Variants in ANAPC4 observed in about 807,000 individuals in gnomAD.
ANAPC4 encodes anaphase promoting complex subunit 4, also known as anaphase-promoting complex subunit 4.
A neutral mutation model predicts 119.8 loss-of-function variants in ANAPC4; 63 were observed. That is an observed-to-expected ratio of 0.53 (90% CI 0.43 to 0.65). The LOEUF is 0.65. ANAPC4 is among the 30% of genes least tolerant of loss of function. The pLI, the probability that ANAPC4 is intolerant of heterozygous loss-of-function variation, is 0.00. For synonymous variants in ANAPC4, 283 were observed against 318.6 expected, an observed-to-expected ratio of 0.89 and a Z score of 1.19; for missense variants, 716 against 945.1, an observed-to-expected ratio of 0.76 and a Z score of 3.18.
At chr4:25,391,251 T>C (rs1722331163) in intron 9 of ANAPC4, among the ~76,000 whole-genome samples, 1 of 152,234 alleles carries the variant, frequency 6.6e-6, no homozygotes, top group African/African-American at 2.4e-5. Context: ...AATGACCATA[T>C]TAATTTGTTG....
At position 25,418,307 on chromosome 4, in the gene ANAPC4, A is replaced by G. The variant is rs755761486; in HGVS notation, c.2352A>G (p.Gln784=). The G allele has an allele frequency of 9.3e-6, 15 of 1,614,076 alleles. No homozygotes were observed. The highest frequency in any genetic ancestry group is 5.5e-5 in the South Asian group (5 of 91,078). Residue 784 remains glutamine, a synonymous_variant, in exon 29 of 29, where the codon CAA becomes CAG. Transcript: ENST00000315368. ...EVLSESEAEN[Q]QAGAAALAPE... ...TGTCGGAGTCAGAGGCAGAGAACCAACAAGCTGGTGCTGCCGCTTTAGCTC... is the reference window on the plus strand; with the variant it reads ...TGTCGGAGTCAGAGGCAGAGAACCAGCAAGCTGGTGCTGCCGCTTTAGCTC...
intron 14 of ANAPC4, 131 bp from the exon 15 acceptor site, chr4:25,396,533 A>G (rs1467928798): frequency 1.4e-6 from 1 of 707,198 alleles, no homozygotes; most frequent in African/African-American, 1.8e-5. Flanking sequence ...GTTTTGAGAA[A>G]TAATTATTTC....
intron 3 of ANAPC4, 48 bp from the exon 4 acceptor site, chr4:25,383,213 T>TTC (rs1237154774): frequency 6.7e-7 from 1 of 1,493,276 alleles, no homozygotes; most frequent in African/African-American, 1.4e-5. Context: ...CCATTTATTT[T>TTC]TCTCAATTGT....
chr4:25,380,300 A>C, intron 2 of ANAPC4, 74 bp from the exon 3 acceptor site: 1 of 1,185,222 alleles, frequency 8.4e-7, no homozygotes, highest in Non-Finnish European at 1.2e-6. Context: ...AAAAATTTTT[A>C]GTAGGGATCT....
intron 3 of ANAPC4, 126 bp downstream of exon 3, chr4:25,380,605 T>G (rs1412898550): frequency 1.9e-5 from 11 of 573,716 alleles, no homozygotes; most frequent in Admixed American, 3.9e-5. Context: ...TTTGGGAACT[T>G]TTTAAAAAAA....
chr4:25,414,182 C>A, intron 22 of ANAPC4, 142 bp from the exon 23 acceptor site: 1 of 581,322 alleles, frequency 1.7e-6, no homozygotes, highest in Non-Finnish European at 2.9e-6. Context: ...TTACAATTGT[C>A]ATTAACGTTT....
At chr4:25,399,435 G>GTA (rs1722834268) in intron 16 of ANAPC4, among the ~76,000 whole-genome samples, 1 of 150,956 alleles carries the variant, frequency 6.6e-6, no homozygotes, top group Admixed American at 6.7e-5. Flanking sequence ...CATCATGTAT[G>GTA]TATGTATATG....
At chr4:25,383,448 A>T in intron 4 of ANAPC4, 55 bp downstream of exon 4, 2 of 1,478,802 alleles carry the variant, frequency 1.4e-6, no homozygotes, top group Non-Finnish European at 1.8e-6. Flanking sequence ...TTATTTTTTG[A>T]AATGGAAACT....
At chr4:25,381,207 A>C (rs1401903247) in intron 3 of ANAPC4, among the ~76,000 whole-genome samples, 8 of 152,208 alleles carry the variant, frequency 5.3e-5, no homozygotes, top group Non-Finnish European at 1.0e-4. Context: ...TTTTCTGTAG[A>C]TAAATATAAA....
intron 4 of ANAPC4, among the ~76,000 whole-genome samples, chr4:25,384,274 G>T (rs1721903670): frequency 6.6e-6 from 1 of 152,136 alleles, no homozygotes; most frequent in African/African-American, 2.4e-5. Context: ...TAGTTCTCTT[G>T]CTATTTCCAC....
chr4:25,400,428 A>G (rs1722902653), intron 16 of ANAPC4, among the ~76,000 whole-genome samples: 1 of 152,138 alleles, frequency 6.6e-6, no homozygotes, highest in Admixed American at 6.5e-5. Flanking sequence ...GTTCCCTTCA[A>G]GGTGCTTTTA....
chr4:25,415,206 T>C, intron 25 of ANAPC4: 1 of 347,118 alleles, frequency 2.9e-6, no homozygotes, highest in Non-Finnish European at 5.2e-6. Context: ...AAAAATGGTT[T>C]TAAACCTGAA....
rs758629384 is a variant in ANAPC4, at chr4:25,414,511, A to G, written c.1724+7A>G. 6.3e-7 allele frequency: 1 copy of G among 1,595,470 alleles called. No homozygotes were observed. The highest frequency in any genetic ancestry group is 8.6e-7 in the Non-Finnish European group (1 of 1,165,958). ...TGTTCAAATTTCCTTTTCTGTAAGT[A>G]TATATTTCTTCCCTATCTTGAGTGA... On this transcript the variant is annotated splice_region_variant and intron_variant, in intron 24 of 28. Transcript: ENST00000315368.
intron 7 of ANAPC4, among the ~76,000 whole-genome samples, chr4:25,389,449 G>A (rs371183024): frequency 2.6e-5 from 4 of 151,192 alleles, no homozygotes; most frequent in East Asian, 2.0e-4. Flanking sequence ...GAGCCACCGC[G>A]CCTGGCCTAA....
At chr4:25,410,456 A>G (rs1023465970) in intron 21 of ANAPC4, among the ~76,000 whole-genome samples, 2 of 152,206 alleles carry the variant, frequency 1.3e-5, no homozygotes, top group African/African-American at 4.8e-5. Context: ...TTAGTCTGCC[A>G]TATACACACA....
intron 7 of ANAPC4, 53 bp from the exon 8 acceptor site, chr4:25,390,083 C>A: frequency 8.2e-7 from 1 of 1,226,064 alleles, no homozygotes; most frequent in Non-Finnish European, 1.2e-6. Flanking sequence ...TTTAACAATG[C>A]AATCATCTGT....
At chr4:25,394,587 G>A in intron 12 of ANAPC4, 84 bp from the exon 13 acceptor site, 1 of 1,404,568 alleles carries the variant, frequency 7.1e-7, no homozygotes, top group Non-Finnish European at 9.7e-7. Flanking sequence ...TTTCTTGTTT[G>A]TGCTTCGAAA....
At position 25,406,364 on chromosome 4, in the gene ANAPC4, T is replaced by C. The variant is rs185731816; in HGVS notation, c.1318-465T>C. On this transcript the variant is annotated intron_variant, in intron 18 of 28. Transcript: ENST00000315368. ...ATATGTCAGTTGTTGGAAGGGATCC[T>C]AAGGTATAATTTTCTGAGGGCTGAA... Among the ~76,000 whole-genome samples the C allele has an allele frequency of 2.7e-3, 404 of 152,310 alleles. 3 individuals are homozygous for C. The highest frequency in any genetic ancestry group is 2.6e-3 in the Non-Finnish European group (179 of 68,018).
chr4:25,393,941 A>G (rs978666041), intron 11 of ANAPC4, 50 bp downstream of exon 11: 2 of 1,410,032 alleles, frequency 1.4e-6, no homozygotes, highest in Non-Finnish European at 2.0e-6. Flanking sequence ...TGCATGATGT[A>G]TGTCTTTACC....
Sources: allele counts gnomAD v4.1 joint callset (sites outside exome capture counted in the v4.1 genomes callset), GRCh38; gene constraint gnomAD v4.1.1; transcripts MANE v1.5; gene names NCBI Gene and HGNC (gene_info 2026-07-23, HGNC 2026-07-21).